The following APLP2 variants were observed in gnomAD, a reference collection of about 807,000 sequenced individuals.
APLP2 encodes amyloid beta precursor like protein 2.
Under a neutral mutation model 89.9 loss-of-function variants are expected in APLP2, and 53 were observed. The ratio of observed to expected loss-of-function variants is 0.59; its 90% CI spans 0.47 to 0.74. APLP2 has a LOEUF of 0.74. Among genes scored for constraint, APLP2 ranks in the 30% least tolerant of loss-of-function variants. The pLI is 0.00. For missense variants in APLP2, 973 were observed against 975.9 expected (o/e 1.00, Z 0.04); for synonymous variants, 372 against 348.6 (o/e 1.07, Z -0.75).
chr11:130,109,755 C>A, intron 2 of APLP2, 153 bp downstream of exon 2: 2 of 782,068 alleles, frequency 2.6e-6, no homozygotes, highest in South Asian at 2.2e-5. Flanking sequence ...AAATGTGTGG[C>A]ATGACTGAGA....
intron 1 of APLP2, chr11:130,101,894 CTGCAT>C (rs1174701242): frequency 2.2e-6 from 1 of 452,960 alleles, no homozygotes; most frequent in Admixed American, 2.4e-5. Flanking sequence ...GTCCAGGCGC[CTGCAT>C]TGCATTTACT....
rs374121301 is a variant in APLP2, at chr11:130,122,286, T to C, written c.714-19T>C. On this transcript the variant is annotated intron_variant, in intron 5 of 16. Coordinates refer to ENST00000338167, the MANE Select transcript of APLP2 (RefSeq NM_001142276.2). ...CATAGGAGCTATTAACCTTCCTTTT[T>C]TTCTATTTTGGCCTTCAGTGAATTT... 7 of 1,613,198 alleles carry C rather than the reference T, an allele frequency of 4.3e-6. No individual in the cohort carries two copies. In the African/African-American group the frequency reaches 9.4e-5, roughly 22 times the overall value.
At chr11:130,082,306 C>T (rs1943295393) in intron 1 of APLP2, among the ~76,000 whole-genome samples, 1 of 152,106 alleles carries the variant, frequency 6.6e-6, no homozygotes, top group South Asian at 2.1e-4. Context: ...GCCTCAGCCT[C>T]CTGAGCAGCT....
At chr11:130,126,662 T>G in intron 7 of APLP2, 38 bp from the exon 8 acceptor site, 1 of 1,611,172 alleles carries the variant, frequency 6.2e-7, no homozygotes. Flanking sequence ...ACAGTGCATC[T>G]GATCCCAAAG....
At chr11:130,119,237 T>C (rs1171186221) in intron 3 of APLP2, among the ~76,000 whole-genome samples, 1 of 152,194 alleles carries the variant, frequency 6.6e-6, no homozygotes, top group Non-Finnish European at 1.5e-5. Flanking sequence ...CTGCCACTGC[T>C]TCCTGCATCT....
chr11:130,137,150 C>G, intron 13 of APLP2: 2 of 1,029,524 alleles, frequency 1.9e-6, no homozygotes, highest in South Asian at 1.3e-5. Flanking sequence ...TTTTTGTTCA[C>G]ATTATAGAGA....
chr11:130,123,647 C>T lies in APLP2; in HGVS notation c.958C>T (p.Arg320Trp), dbSNP rs750314819. 38 of 1,614,106 alleles carry T rather than the reference C, an allele frequency of 2.4e-5. 2 individuals carry two copies. The highest frequency in any genetic ancestry group is 1.8e-4 in the East Asian group (8 of 44,904). Residue 320 changes from arginine (R) to tryptophan (W), a missense_variant, in exon 7 of 17, where the codon CGG becomes TGG. Coordinates refer to ENST00000338167, the MANE Select transcript of APLP2 (RefSeq NM_001142276.2). The surrounding 1 kb of genome is among the most constrained non-coding windows in gnomAD (Gnocchi z 4.0). Reference protein sequence around the residue: ...CSQEAMTGPCRAVMPRWYFDL... With the variant: ...CSQEAMTGPCWAVMPRWYFDL... ...CCAGGAGGCGATGACGGGGCCCTGC[C>T]GGGCCGTGATGCCTCGTTGGTACTT...
chr11:130,078,725 T>G (rs926903929), intron 1 of APLP2, among the ~76,000 whole-genome samples: 2 of 152,130 alleles, frequency 1.3e-5, no homozygotes, highest in African/African-American at 4.8e-5. Flanking sequence ...GGTCATCCTT[T>G]CCCTTCTGCT....
Position 130,123,951 on chromosome 11 carries a change from C to T in APLP2, c.1090+172C>T, listed in dbSNP as rs1360473972. Among the ~76,000 whole-genome samples the T allele has an allele frequency of 2.6e-5, 4 of 152,110 alleles. No individual in the cohort carries two copies. The highest frequency in any genetic ancestry group is 6.5e-5 in the Admixed American group (1 of 15,276). ...CTAGATCTAGGCTTTGCTCTCCTGC[C>T]GGCAGTGGTAAGCTCAGTTCTCGTG... On this transcript the variant is annotated intron_variant, in intron 7 of 16. Transcript: ENST00000338167. The surrounding 1 kb of genome is among the most constrained non-coding windows in gnomAD (Gnocchi z 4.0).
At chr11:130,133,846 C>A in intron 12 of APLP2, 118 bp downstream of exon 12, 1 of 727,266 alleles carries the variant, frequency 1.4e-6, no homozygotes, top group Admixed American at 2.3e-5. Context: ...GGGGCATTAG[C>A]ACATCCTGGC....
chr11:130,121,505 C>A, intron 4 of APLP2, 109 bp from the exon 5 acceptor site: 1 of 1,324,180 alleles, frequency 7.6e-7, no homozygotes, highest in Non-Finnish European at 9.9e-7. Flanking sequence ...TAAGAGAAAG[C>A]ATTGCTAAGT....
At chr11:130,104,240 G>T (rs1947347633) in intron 1 of APLP2, among the ~76,000 whole-genome samples, 1 of 100,434 alleles carries the variant, frequency 1.0e-5, no homozygotes, top group Non-Finnish European at 1.8e-5. Flanking sequence ...TTTTGAGACA[G>T]ATTCTCTGTC....
intron 11 of APLP2, among the ~76,000 whole-genome samples, chr11:130,131,376 G>C (rs958528244): frequency 3.9e-5 from 6 of 152,218 alleles, no homozygotes; most frequent in African/African-American, 1.4e-4. Flanking sequence ...TAGGATTACA[G>C]GTGTGAGCCA....
rs796527462 is a variant in APLP2, at chr11:130,123,850, C to T, written c.1090+71C>T. ...CTGGCGTCCGTCTCCCTGCCGTCTT[C>T]GTGGCTGCATCTGTGTGGTGTCCCT... On this transcript the variant is annotated intron_variant, in intron 7 of 16. Transcript: ENST00000338167. The surrounding 1 kb of genome is among the most constrained non-coding windows in gnomAD (Gnocchi z 4.0). The T allele has an allele frequency of 2.2e-5, 34 of 1,547,384 alleles. No homozygotes were observed. The South Asian group carries it at 3.0e-4, about 14-fold the overall frequency.
intron 2 of APLP2, 78 bp from the exon 3 acceptor site, chr11:130,110,460 T>C: frequency 6.4e-7 from 1 of 1,556,388 alleles, no homozygotes; most frequent in Non-Finnish European, 8.7e-7. Context: ...TGAATAAACT[T>C]AGACACTCCA....
At chr11:130,121,486 A>G (rs956006679) in intron 4 of APLP2, 128 bp from the exon 5 acceptor site, 22 of 1,176,302 alleles carry the variant, frequency 1.9e-5, no homozygotes, top group South Asian at 3.3e-5. Context: ...CAGAAAATGT[A>G]TGTGTTCATA....
intron 7 of APLP2, among the ~76,000 whole-genome samples, chr11:130,125,390 A>G (rs1950260620): frequency 6.6e-6 from 1 of 152,152 alleles, no homozygotes. Context: ...CGCATGATGG[A>G]CTGCAGTGCT....
chr11:130,127,856 T>A lies in APLP2; in HGVS notation c.1296+16T>A. The stretch of plus-strand genomic sequence containing the variant: ...TCTGATTCAGGTAAGATGCCTTCTC[T>A]GGGGACATAGCTTTCAGCCTGACCA... On this transcript the variant is annotated intron_variant, in intron 9 of 16. Transcript: ENST00000338167. 6.2e-7 allele frequency: 1 copy of A among 1,610,900 alleles called. No individual in the cohort carries two copies. Among genetic ancestry groups the A allele is most frequent in the Non-Finnish European group, 8.5e-7 (1 of 1,177,388 alleles).
intron 1 of APLP2, among the ~76,000 whole-genome samples, chr11:130,099,099 C>A (rs758547302): frequency 7.9e-5 from 12 of 152,150 alleles, no homozygotes; most frequent in Admixed American, 3.9e-4. Context: ...CAACTTCACA[C>A]CATTTAGATC....
Sources: allele counts gnomAD v4.1 joint callset (sites outside exome capture counted in the v4.1 genomes callset), GRCh38; gene constraint gnomAD v4.1.1; non-coding constraint Gnocchi (gnomAD v3.1); transcripts MANE v1.5; gene names NCBI Gene and HGNC (gene_info 2026-07-23, HGNC 2026-07-21).